Variants in KHDRBS3 observed in about 807,000 individuals in gnomAD.
KHDRBS3 encodes KH domain-containing, RNA-binding, signal transduction-associated protein 3.
In KHDRBS3, 23 loss-of-function variants were observed where a neutral mutation model predicts 45.6. The ratio of observed to expected loss-of-function variants is 0.50; its 90% confidence interval spans 0.36 to 0.72. KHDRBS3 has a LOEUF of 0.72. Among genes scored for constraint, KHDRBS3 ranks in the 30% least tolerant of loss-of-function variants. The pLI is 0.00. For missense variants in KHDRBS3, 352 were observed against 424.8 expected (o/e 0.83, Z 1.51); for synonymous variants, 162 against 156.5 (o/e 1.04, Z -0.26).
chr8:135,551,929 A>G (rs1049529086), intron 4 of KHDRBS3, among the ~76,000 whole-genome samples: 1 of 152,020 alleles, frequency 6.6e-6, no homozygotes, highest in Non-Finnish European at 1.5e-5. Context: ...ATAATTATTG[A>G]TTGATCGTTT....
chr8:135,481,118 G>A (rs1031085589), intron 1 of KHDRBS3, among the ~76,000 whole-genome samples: 1 of 151,200 alleles, frequency 6.6e-6, no homozygotes, highest in Admixed American at 6.6e-5. Flanking sequence ...TTTTAGGATG[G>A]TATTCACTGC....
intron 5 of KHDRBS3, among the ~76,000 whole-genome samples, chr8:135,558,314 C>T (rs1230307248): frequency 1.0e-5 from 1 of 97,682 alleles, no homozygotes; most frequent in Non-Finnish European, 2.5e-5. Flanking sequence ...ATATGACTAT[C>T]TCAAATTTAT....
At chr8:135,626,568 C>G (rs549394158) in intron 7 of KHDRBS3, among the ~76,000 whole-genome samples, 14 of 151,972 alleles carry the variant, frequency 9.2e-5, no homozygotes, top group Middle Eastern at 6.8e-3. Flanking sequence ...CTTTGGGAGG[C>G]CGAGGCGGGC....
intron 1 of KHDRBS3, among the ~76,000 whole-genome samples, chr8:135,467,539 T>C (rs1264375678): frequency 6.6e-6 from 1 of 152,252 alleles, no homozygotes; most frequent in East Asian, 1.9e-4. Flanking sequence ...CCTTTCGTGA[T>C]AGGCATTTTG....
intron 7 of KHDRBS3, among the ~76,000 whole-genome samples, chr8:135,619,493 A>T (rs531305154): frequency 6.6e-6 from 1 of 152,304 alleles, no homozygotes; most frequent in South Asian, 2.1e-4. Context: ...CTGCATAAAG[A>T]TGTAGTAAAT....
chr8:135,503,505 T>C (rs958908575), intron 1 of KHDRBS3, among the ~76,000 whole-genome samples: 2 of 152,162 alleles, frequency 1.3e-5, no homozygotes, highest in Non-Finnish European at 2.9e-5. Context: ...GGAATTGCCT[T>C]GGGACCCTTG....
intron 1 of KHDRBS3, among the ~76,000 whole-genome samples, chr8:135,461,786 T>C (rs1312599918): frequency 6.6e-6 from 1 of 152,252 alleles, no homozygotes; most frequent in Non-Finnish European, 1.5e-5. Flanking sequence ...CACTGCCAAG[T>C]TACATTTAGT....
chr8:135,507,797 G>A (rs1824083251), intron 1 of KHDRBS3, among the ~76,000 whole-genome samples: 1 of 152,190 alleles, frequency 6.6e-6, no homozygotes, highest in African/African-American at 2.4e-5. Flanking sequence ...GCTCTATGCT[G>A]AGATATTTCA....
chr8:135,652,252 C>G (rs943895815), downstream of KHDRBS3, among the ~76,000 whole-genome samples: 1 of 152,206 alleles, frequency 6.6e-6, no homozygotes, highest in Non-Finnish European at 1.5e-5. Context: ...TTCACCCTCC[C>G]TTATCGATGG....
intron 6 of KHDRBS3, among the ~76,000 whole-genome samples, chr8:135,606,167 T>C (rs1829453286): frequency 1.3e-5 from 2 of 152,058 alleles, no homozygotes; most frequent in South Asian, 4.1e-4. Flanking sequence ...TTGGGACTCA[T>C]GCTTAACCTC....
chr8:135,547,796 T>G (rs898070393), intron 3 of KHDRBS3, among the ~76,000 whole-genome samples: 3 of 152,186 alleles, frequency 2.0e-5, no homozygotes, highest in African/African-American at 7.2e-5. Context: ...CTCAGATTCC[T>G]GTTAATCTTA....
intron 1 of KHDRBS3, among the ~76,000 whole-genome samples, chr8:135,502,922 A>T (rs1455410403): frequency 6.6e-6 from 1 of 152,228 alleles, no homozygotes; most frequent in Non-Finnish European, 1.5e-5. Context: ...AATTGAAATT[A>T]ATCAGAATGA....
chr8:135,519,009 CA>C (rs1208399350), intron 1 of KHDRBS3, among the ~76,000 whole-genome samples: 14 of 151,984 alleles, frequency 9.2e-5, no homozygotes, highest in African/African-American at 3.4e-4. Context: ...TTACAGGTTC[CA>C]CTTAAAATTA....
intron 3 of KHDRBS3, among the ~76,000 whole-genome samples, chr8:135,546,817 CA>C (rs1308423536): frequency 6.6e-6 from 1 of 151,954 alleles, no homozygotes; most frequent in Admixed American, 6.6e-5. Context: ...TGTTTTTCTC[CA>C]AATAACACAT....
intron 4 of KHDRBS3, among the ~76,000 whole-genome samples, chr8:135,557,086 T>C (rs1436243844): frequency 6.6e-6 from 1 of 152,222 alleles, no homozygotes; most frequent in Non-Finnish European, 1.5e-5. Context: ...TCTCTGTTAC[T>C]TGGTTCATTA....
At chr8:135,528,126 A>G (rs754635555) in intron 2 of KHDRBS3, among the ~76,000 whole-genome samples, 1 of 152,186 alleles carries the variant, frequency 6.6e-6, no homozygotes, top group Non-Finnish European at 1.5e-5. Flanking sequence ...ATCTGTGTAC[A>G]TACTATCTGC....
intron 2 of KHDRBS3, chr8:135,540,491 C>CA (rs1825991447): frequency 6.6e-6 from 1 of 152,226 alleles, no homozygotes; most frequent in Admixed American, 6.5e-5. Context: ...CACACTCTAG[C>CA]AAAAGACCAG....
chr8:135,497,837 C>T lies in KHDRBS3; in HGVS notation c.89-23400C>T, dbSNP rs1452815181. 4.6e-5 allele frequency among the ~76,000 whole-genome samples: 7 copies of T among 152,016 alleles called. No homozygotes were observed. The South Asian group carries it at 6.2e-4, about 14-fold the overall frequency. On this transcript the variant is annotated intron_variant, in intron 1 of 8. Coordinates refer to ENST00000355849, the MANE Select transcript of KHDRBS3 (RefSeq NM_006558.3). ...AGTGAGTAAGTTACCTATCTGAGGTCGTAAAAAGCTAGAAATTGGACATTC... is the reference window on the plus strand; with the variant it reads ...AGTGAGTAAGTTACCTATCTGAGGTTGTAAAAAGCTAGAAATTGGACATTC...
chr8:135,563,324 C>CA (rs1301188284), intron 5 of KHDRBS3, among the ~76,000 whole-genome samples: 1 of 152,212 alleles, frequency 6.6e-6, no homozygotes, highest in Non-Finnish European at 1.5e-5. Context: ...CCAGATCCTT[C>CA]ACATTTATTC....
Sources: gnomAD v4.1 joint callset for allele counts (sites outside exome capture counted in the v4.1 genomes callset) on GRCh38, gnomAD v4.1.1 for gene constraint, MANE v1.5 for transcripts, NCBI Gene and HGNC (gene_info 2026-07-23, HGNC 2026-07-21) for gene names.